The following KIF13B variants were observed in gnomAD, a reference collection of about 807,000 sequenced individuals.
KIF13B encodes the protein kinesin-like protein KIF13B.
Under a neutral mutation model 222.0 loss-of-function variants are expected in KIF13B, and 127 were observed. The ratio of observed to expected loss-of-function variants is 0.57; its 90% CI spans 0.50 to 0.66. The LOEUF is 0.66. Among genes scored for constraint, KIF13B ranks in the 30% least tolerant of loss-of-function variants. KIF13B has a pLI of 0.00. For synonymous variants in KIF13B, 976 were observed against 919.0 expected, an observed-to-expected ratio of 1.06 and a Z score of -1.12; for missense variants, 2,173 against 2,379.0, an observed-to-expected ratio of 0.91 and a Z score of 1.80.
Position 29,072,240 on chromosome 8 carries a change from G to A in KIF13B, c.4598C>T (p.Ala1533Val), listed in dbSNP as rs757515152. The part of the protein sequence containing the change: ...APALKICDKP[A>V]KVPSPPPVIA... The stretch of plus-strand genomic sequence containing the variant: ...GACAGGCGGTGGGGAAGGCACTTTG[G>A]CAGGTTTGTCGCAGATCTTCAAGGC... The change falls in exon 39 of 40, where the codon GCC becomes GTC. Residue 1533 changes from alanine to valine, a missense_variant. This residue lies in a region of KIF13B where 693 missense variants were observed against 656.2 expected (regional missense o/e 1.06). Transcript: ENST00000524189. The A allele has an allele frequency of 1.6e-5, 23 of 1,470,964 alleles. No homozygotes were observed. Among genetic ancestry groups the A allele is most frequent in the Admixed American group, 9.9e-5 (4 of 40,348 alleles). The allele number at this position is 1,470,964 out of a possible 1,614,324, so 91.1% of individuals were successfully genotyped here. A position where few individuals can be genotyped will look rare whatever the true frequency, so the allele number is the denominator to read the frequency against.
chr8:29,213,885 C>A (rs1384635726), intron 2 of KIF13B, among the ~76,000 whole-genome samples: 1 of 151,536 alleles, frequency 6.6e-6, no homozygotes, highest in Non-Finnish European at 1.5e-5. Flanking sequence ...ATGCGGCAGG[C>A]GGAGGTTGCA....
At position 29,072,282 on chromosome 8, in the gene KIF13B, T is replaced by C. The variant is rs1305971481; in HGVS notation, c.4556A>G (p.Gln1519Arg). 4 of 1,465,894 alleles carry C rather than the reference T, an allele frequency of 2.7e-6. No individual in the cohort carries two copies. The African/African-American group carries it at 4.4e-5, about 16-fold the overall frequency. 90.8% of individuals were successfully genotyped at this position (1,465,894 alleles called of 1,614,324 possible). Residue 1519 changes from glutamine to arginine, a missense_variant, in exon 39 of 40, where the codon CAG becomes CGG. This residue lies in a region of KIF13B where 693 missense variants were observed against 656.2 expected (regional missense o/e 1.06). Transcript: ENST00000524189. ...CTTCAAGGCCGGGGCCCCCATCGTC[T>C]GCACCAGCACGTCAGGGCCCATCTC... The part of the protein sequence containing the change: ...QPEMGPDVLV[Q>R]TMGAPALKIC...
At chr8:29,161,798 G>A (rs1045816738) in intron 12 of KIF13B, among the ~76,000 whole-genome samples, 1 of 151,304 alleles carries the variant, frequency 6.6e-6, no homozygotes, top group African/African-American at 2.4e-5. Flanking sequence ...TCTATCTGGA[G>A]CAGACGTGTT....
chr8:29,211,036 C>T (rs1269433727), intron 2 of KIF13B, among the ~76,000 whole-genome samples: 3 of 152,172 alleles, frequency 2.0e-5, no homozygotes, highest in Non-Finnish European at 2.9e-5. Context: ...AAAAGGGCCA[C>T]GGCCTAGGAG....
chr8:29,167,746 T>A lies in KIF13B; in HGVS notation c.946-161A>T, dbSNP rs190614520. On this transcript the variant is annotated intron_variant, in intron 10 of 39. Transcript: ENST00000524189. ...AGGTGTATGGACTCGAGTCCTGTGCTGTTTCTTCTCTGCCAAGCCATTGCA... is the reference window on the plus strand; with the variant it reads ...AGGTGTATGGACTCGAGTCCTGTGCAGTTTCTTCTCTGCCAAGCCATTGCA... 9.7e-4 allele frequency among the ~76,000 whole-genome samples: 148 copies of A among 152,380 alleles called. 1 individual carries two copies. Among genetic ancestry groups the A allele is most frequent in the Non-Finnish European group, 4.4e-4 (30 of 68,042 alleles).
At chr8:29,221,729 T>C (rs775613021) in intron 2 of KIF13B, among the ~76,000 whole-genome samples, 4 of 152,144 alleles carry the variant, frequency 2.6e-5, no homozygotes, top group Non-Finnish European at 4.4e-5. Flanking sequence ...CATTTTTAAG[T>C]CAATGTACAA....
At position 29,070,294 on chromosome 8, in the gene KIF13B, G is replaced by A; in HGVS notation, c.*210C>T. 1.7e-6 allele frequency: 1 copy of A among 599,196 alleles called. No individual in the cohort carries two copies. Among genetic ancestry groups the A allele is most frequent in the Non-Finnish European group, 2.9e-6 (1 of 344,512 alleles). 37.1% of individuals were successfully genotyped at this position (599,196 alleles called of 1,614,324 possible). ...CCAGAACCTTCCATCCACCTGAGGAGGCACAGTTGAGGCCCCCACTTTACC... is the reference window on the plus strand; with the variant it reads ...CCAGAACCTTCCATCCACCTGAGGAAGCACAGTTGAGGCCCCCACTTTACC... On this transcript the variant is annotated 3_prime_UTR_variant, in exon 40 of 40. Transcript: ENST00000524189. This position sits in a 1 kb window ranked among gnomAD's most constrained non-coding sequence, Gnocchi z 4.1.
At chr8:29,181,720 T>C (rs1812720713) in intron 7 of KIF13B, among the ~76,000 whole-genome samples, 199 bp downstream of exon 7, 1 of 152,254 alleles carries the variant, frequency 6.6e-6, no homozygotes, top group Admixed American at 6.5e-5. Context: ...ACTTTTCATT[T>C]AAAAGCCTCA....
rs1293926506 is a variant in KIF13B at position 29,068,460 on chromosome 8, C to T, written c.*2044G>A. On this transcript the variant is annotated 3_prime_UTR_variant, in exon 40 of 40. Coordinates refer to ENST00000524189, the MANE Select transcript of KIF13B (RefSeq NM_015254.4). This position sits in a 1 kb window ranked among gnomAD's most constrained non-coding sequence, Gnocchi z 4.4. ...AAGCAAGAGTGAACAGGGCCTGGGC[C>T]CAAATCCACCTGCTCAAGTCAGGAA... 1 of 152,222 alleles carries T rather than the reference C, an allele frequency of 6.6e-6. No homozygotes were observed. Among genetic ancestry groups the T allele is most frequent in the Non-Finnish European group, 1.5e-5 (1 of 68,128 alleles). The allele number at this position is 152,222 out of a possible 1,614,324, so 9.4% of individuals were successfully genotyped here.
intron 34 of KIF13B, 122 bp downstream of exon 34, chr8:29,109,312 A>G: frequency 1.3e-6 from 1 of 750,938 alleles, no homozygotes; most frequent in Non-Finnish European, 2.3e-6. Flanking sequence ...GGGCCCTGAC[A>G]TCAGTCCTGG....
In KIF13B at chr8:29,186,293, C is replaced by T. The variant is rs1024566514; in HGVS notation, c.496G>A (p.Gly166Arg). The part of the protein sequence containing the change: ...EKVRDLLDPK[G>R]SRQTLKVREH... ...CACTAAAGTCTCAAAGTCCTTTACC[C>T]TTTGGGATCAAGAAGGTCTCGAACT... is the stretch of plus-strand genomic sequence containing the variant. The change falls in exon 6 of 40, where the codon GGA becomes AGA. Residue 166 changes from glycine (G) to arginine (R), a missense_variant and splice_region_variant. Physicochemically the swap from Gly to Arg is moderately radical, Grantham distance 125. Coordinates refer to ENST00000524189, the MANE Select transcript of KIF13B (RefSeq NM_015254.4). 5.6e-6 allele frequency: 9 copies of T among 1,610,050 alleles called. No homozygotes were observed. The highest frequency in any genetic ancestry group is 6.8e-6 in the Non-Finnish European group (8 of 1,177,728).
At chr8:29,097,375 T>A (rs7844537) in intron 36 of KIF13B, among the ~76,000 whole-genome samples, 14 of 152,096 alleles carry the variant, frequency 9.2e-5, no homozygotes, top group African/African-American at 2.9e-4. Context: ...GGGAAACACA[T>A]ATAATTTTCA....
intron 37 of KIF13B, among the ~76,000 whole-genome samples, chr8:29,085,166 A>T (rs1187080252): frequency 6.6e-6 from 1 of 152,268 alleles, no homozygotes; most frequent in African/African-American, 2.4e-5. Flanking sequence ...AAAAGTAACA[A>T]GAAAATAATA....
At chr8:29,217,892 T>C (rs559534444) in intron 2 of KIF13B, among the ~76,000 whole-genome samples, 2 of 152,312 alleles carry the variant, frequency 1.3e-5, no homozygotes, top group South Asian at 4.1e-4. Context: ...TCATTATAAT[T>C]TTCCATATTA....
chr8:29,118,015 A>G (rs1030981517), intron 30 of KIF13B, among the ~76,000 whole-genome samples: 134 of 151,180 alleles, frequency 8.9e-4, no homozygotes, highest in African/African-American at 3.1e-3. Flanking sequence ...AAAATTAGCC[A>G]GGTGTGATGG....
chr8:29,109,345 G>A, intron 34 of KIF13B, 89 bp downstream of exon 34: 1 of 1,003,508 alleles, frequency 1.0e-6, no homozygotes, highest in Non-Finnish European at 1.6e-6. Context: ...TTCGGAGATG[G>A]GGTTTGACGG....
intron 21 of KIF13B, among the ~76,000 whole-genome samples, chr8:29,136,540 G>A (rs531162946): frequency 1.2e-3 from 175 of 151,902 alleles, no homozygotes; most frequent in African/African-American, 4.0e-3. Flanking sequence ...TTGACATCAC[G>A]CCATTGCACT....
intron 26 of KIF13B, among the ~76,000 whole-genome samples, chr8:29,125,194 G>C (rs1477779510): frequency 6.6e-6 from 1 of 152,132 alleles, no homozygotes; most frequent in Non-Finnish European, 1.5e-5. Context: ...TTGTTTTTAT[G>C]CATTTTGTGG....
At chr8:29,103,490 A>G (rs1407341945) in intron 35 of KIF13B, among the ~76,000 whole-genome samples, 1 of 152,204 alleles carries the variant, frequency 6.6e-6, no homozygotes. Flanking sequence ...CACGATAGCA[A>G]TAAATAGAAA....
Sources: allele counts gnomAD v4.1 joint callset (sites outside exome capture counted in the v4.1 genomes callset), GRCh38; gene constraint gnomAD v4.1.1; regional missense constraint gnomAD v4.1.1; non-coding constraint Gnocchi (gnomAD v3.1); transcripts MANE v1.5; gene names NCBI Gene and HGNC (gene_info 2026-07-23, HGNC 2026-07-21).